The following ERBB3 variants were observed in gnomAD, a reference collection of about 807,000 sequenced individuals.
ERBB3 encodes erb-b2 receptor tyrosine kinase 3.
ERBB3 carries 96 observed loss-of-function variants against 156.7 expected under a neutral mutation model. The ratio of observed to expected loss-of-function variants is 0.61; its 90% CI spans 0.52 to 0.73. The LOEUF is 0.73. Among genes scored for constraint, ERBB3 ranks in the 30% least tolerant of loss-of-function variants. ERBB3 has a pLI of 0.00. For synonymous variants in ERBB3, 567 were observed against 632.0 expected (o/e 0.90, Z 1.54); for missense variants, 1,406 against 1,709.4 (o/e 0.82, Z 3.13).
At position 56,098,551 on chromosome 12, in the gene ERBB3, C is replaced by G; in HGVS notation, c.2668C>G (p.His890Asp). ...GAGTATCCACTTTGGGAAATACACA[C>G]ACCAGAGTGATGTCTGGAGCTATGG... ...LESIHFGKYT[H>D]QSDVWSYGVT... Residue 890 changes from histidine to aspartate, a missense_variant, in exon 22 of 28, where the codon CAC (histidine) becomes GAC (aspartate). Physicochemically the swap from His to Asp is moderately conservative, Grantham distance 81. Transcript: ENST00000267101. 6.2e-7 allele frequency: 1 copy of G among 1,613,740 alleles called. No individual in the cohort carries two copies. Among genetic ancestry groups the G allele is most frequent in the South Asian group, 1.1e-5 (1 of 91,078 alleles).
chr12:56,084,888 G>A (rs1213488249), intron 2 of ERBB3, 107 bp from the exon 3 acceptor site: 1 of 1,546,630 alleles, frequency 6.5e-7, no homozygotes, highest in Non-Finnish European at 8.8e-7. Flanking sequence ...AAAGAAAGAA[G>A]GAAGAATTAA....
rs370856466 is a variant in ERBB3 at position 56,092,951 on chromosome 12, G to A, written c.1184-35G>A. ...CCAGGAGAACCCAAGAAAGAAGAAG[G>A]CTCCCTGCCCATATGCCTCTCTCCA... On this transcript the variant is annotated intron_variant, in intron 10 of 27. Transcript: ENST00000267101. The A allele has an allele frequency of 6.9e-6, 11 of 1,583,482 alleles. No homozygotes were observed. The African/African-American group carries it at 1.1e-4, about 16-fold the overall frequency.
intron 9 of ERBB3, among the ~76,000 whole-genome samples, chr12:56,091,330 A>ATATAT (rs1565858604): frequency 0.042 from 177 of 4,186 alleles, 7 homozygotes; most frequent in African/African-American, 0.14. Flanking sequence ...TATATATATA[A>ATATAT]ATAATATATA....
At chr12:56,095,230 A>G in intron 15 of ERBB3, 27 bp from the exon 16 acceptor site, 1 of 1,588,438 alleles carries the variant, frequency 6.3e-7, no homozygotes, top group Non-Finnish European at 8.6e-7. Context: ...CCAAGCTCTC[A>G]TTTAAGGTGG....
chr12:56,096,869 G>A (rs759229675), intron 19 of ERBB3, 23 bp downstream of exon 19: 14 of 1,552,334 alleles, frequency 9.0e-6, no homozygotes, highest in South Asian at 3.3e-5. Context: ...AATTCTGTAT[G>A]CCGCTAGGAG....
rs147888915 is a variant in ERBB3 at position 56,093,880 on chromosome 12, T to C, written c.1597T>C (p.Cys533Arg). ...YSRGGVCVTH[C>R]NFLNGEPREF... ...CCGAGGAGGTGTCTGTGTGACCCAC[T>C]GCAACTTTCTGAATGGGTACAGTAA... Residue 533 changes from cysteine (C) to arginine (R), a missense_variant, in exon 13 of 28, where the codon TGC (cysteine) becomes CGC (arginine). Transcript: ENST00000267101. 3.5e-5 allele frequency: 56 copies of C among 1,613,366 alleles called. No homozygotes were observed. The highest frequency in any genetic ancestry group is 4.7e-5 in the Non-Finnish European group (55 of 1,179,896).
chr12:56,095,454 ATGCAGGCTTC>A (rs1490019537), intron 16 of ERBB3, 144 bp downstream of exon 16: 15 of 893,474 alleles, frequency 1.7e-5, no homozygotes, highest in Middle Eastern at 2.9e-4. Context: ...GGACTCAAGA[ATGCAGGCTTC>A]TGGACTTCCC....
chr12:56,094,243 G>A (rs1491004003), intron 14 of ERBB3, 54 bp downstream of exon 14: 1 of 1,496,518 alleles, frequency 6.7e-7, no homozygotes, highest in African/African-American at 1.4e-5. Flanking sequence ...GCAATACTTG[G>A]AGCATCTGGG....
At chr12:56,094,826 C>A (rs563087947) in intron 15 of ERBB3, among the ~76,000 whole-genome samples, 1 of 152,298 alleles carries the variant, frequency 6.6e-6, no homozygotes, top group South Asian at 2.1e-4. Context: ...TGGCGCATGC[C>A]TGTAATCCCA....
Position 56,101,894 on chromosome 12 carries a change from G to A in ERBB3, c.3868G>A (p.Glu1290Lys). 6.2e-7 allele frequency: 1 copy of A among 1,613,670 alleles called. No individual in the cohort carries two copies. The highest frequency in any genetic ancestry group is 8.5e-7 in the Non-Finnish European group (1 of 1,179,900). ...GACPASEQGY[E>K]EMRAFQGPGH... ...CTGCCCAGCATCTGAGCAAGGGTATGAAGAGATGAGAGCTTTTCAGGGGCC... is the reference window on the plus strand; with the variant it reads ...CTGCCCAGCATCTGAGCAAGGGTATAAAGAGATGAGAGCTTTTCAGGGGCC... The change falls in exon 28 of 28, where the codon GAA becomes AAA. Residue 1290 changes from glutamate (E) to lysine (K), a missense_variant. Glu to Lys is a moderately conservative substitution (Grantham distance 56). Coordinates refer to ENST00000267101, the MANE Select transcript of ERBB3 (RefSeq NM_001982.4).
rs1273702050 is a variant in ERBB3 at position 56,086,586 on chromosome 12, C to G, written c.477C>G (p.Asp159Glu). The change falls in exon 4 of 28, where the codon GAC becomes GAG. Residue 159 changes from aspartate (D) to glutamate (E), a missense_variant. Coordinates refer to ENST00000267101, the MANE Select transcript of ERBB3 (RefSeq NM_001982.4). The stretch of plus-strand genomic sequence containing the variant: ...AGAACGATAAGCTTTGTCACATGGA[C>G]ACAATTGACTGGAGGGACATCGTGA... ...IEKNDKLCHM[D>E]TIDWRDIVRD... 6.2e-7 allele frequency: 1 copy of G among 1,613,858 alleles called. No homozygotes were observed. The highest frequency in any genetic ancestry group is 8.5e-7 in the Non-Finnish European group (1 of 1,179,902).
intron 25 of ERBB3, 38 bp from the exon 26 acceptor site, chr12:56,100,136 C>G (rs1869040392): frequency 6.3e-7 from 1 of 1,594,264 alleles, no homozygotes; most frequent in Non-Finnish European, 8.6e-7. Context: ...GTAGATTTCT[C>G]CCTTCATCTT....
chr12:56,096,980 C>A, intron 19 of ERBB3, 65 bp from the exon 20 acceptor site: 1 of 1,534,152 alleles, frequency 6.5e-7, no homozygotes, highest in Non-Finnish European at 9.0e-7. Flanking sequence ...CCTGGGCTGG[C>A]TGTGCACATG....
intron 9 of ERBB3, among the ~76,000 whole-genome samples, chr12:56,090,317 C>G (rs1868635844): frequency 6.6e-6 from 1 of 151,860 alleles, no homozygotes; most frequent in Non-Finnish European, 1.5e-5. Context: ...CACTCTTTTA[C>G]CCAGATCCTC....
At chr12:56,092,871 A>G (rs767247925) in intron 10 of ERBB3, 51 bp downstream of exon 10, 3 of 1,571,778 alleles carry the variant, frequency 1.9e-6, no homozygotes, top group South Asian at 2.2e-5. Context: ...AACCACTGGC[A>G]TAAATTGCGG....
At chr12:56,088,495 G>C (rs751610199) in intron 7 of ERBB3, 48 bp from the exon 8 acceptor site, 1 of 1,383,412 alleles carries the variant, frequency 7.2e-7, no homozygotes, top group Non-Finnish European at 1.0e-6. Flanking sequence ...TTGGTAGCTG[G>C]TGATGTTCCT....
At chr12:56,094,211 C>A in intron 14 of ERBB3, 22 bp downstream of exon 14, 1 of 1,594,704 alleles carries the variant, frequency 6.3e-7, no homozygotes. Context: ...GCACCAGGAT[C>A]TCCAAGGGAG....
intron 1 of ERBB3, among the ~76,000 whole-genome samples, chr12:56,080,621 G>C (rs1191100056): frequency 6.6e-6 from 1 of 152,186 alleles, no homozygotes; most frequent in African/African-American, 2.4e-5. Context: ...CCCTCTAATT[G>C]GTCTCCCCAG....
chr12:56,088,972 T>C, intron 9 of ERBB3, 104 bp downstream of exon 9: 1 of 1,471,206 alleles, frequency 6.8e-7, no homozygotes. Flanking sequence ...GGAATCAAAG[T>C]CATAAAATTC....
Sources: allele counts gnomAD v4.1 joint callset (sites outside exome capture counted in the v4.1 genomes callset), GRCh38; gene constraint gnomAD v4.1.1; transcripts MANE v1.5; gene names NCBI Gene and HGNC (gene_info 2026-07-23, HGNC 2026-07-21).